The following NKAIN2 variants were observed in gnomAD, a reference collection of about 807,000 sequenced individuals.
NKAIN2 encodes the protein sodium/potassium transporting ATPase interacting 2.
A neutral mutation model predicts 32.6 loss-of-function variants in NKAIN2; 14 were observed. The observed-to-expected ratio is 0.43, with a 90% CI of 0.28 to 0.67. NKAIN2 has a LOEUF of 0.67. NKAIN2 is among the 30% of genes least tolerant of loss of function. NKAIN2 has a pLI of 0.17. For missense variants in NKAIN2, 198 were observed against 258.3 expected (o/e 0.77, Z 1.60); for synonymous variants, 80 against 87.2 (o/e 0.92, Z 0.46).
chr6:124,801,387 T>G (rs1442978699), intron 5 of NKAIN2, among the ~76,000 whole-genome samples: 1 of 152,228 alleles, frequency 6.6e-6, no homozygotes, highest in East Asian at 1.9e-4. Context: ...TCACCTACTG[T>G]AATCCCCCAA....
intron 1 of NKAIN2, among the ~76,000 whole-genome samples, chr6:123,955,902 A>G (rs1777559047): frequency 6.6e-6 from 1 of 152,270 alleles, no homozygotes; most frequent in East Asian, 1.9e-4. Context: ...TGCCGGGATT[A>G]TAGGAGTGAG....
At chr6:124,691,307 A>G (rs1482078625) in intron 4 of NKAIN2, among the ~76,000 whole-genome samples, 2 of 152,120 alleles carry the variant, frequency 1.3e-5, no homozygotes, top group Admixed American at 6.6e-5. Flanking sequence ...GACCACTTCA[A>G]CCTAATTTCC....
intron 3 of NKAIN2, among the ~76,000 whole-genome samples, chr6:124,414,315 G>A (rs1472354228): frequency 6.6e-6 from 1 of 152,062 alleles, no homozygotes; most frequent in Admixed American, 6.5e-5. Context: ...ATAATATCAT[G>A]AATTATATTG....
intron 3 of NKAIN2, among the ~76,000 whole-genome samples, chr6:124,625,954 T>C (rs1454595343): frequency 6.6e-6 from 1 of 151,418 alleles, no homozygotes; most frequent in Non-Finnish European, 1.5e-5. Context: ...AATTTTATTA[T>C]TATTATACTT....
At chr6:124,158,392 A>G (rs1388595606) in intron 1 of NKAIN2, among the ~76,000 whole-genome samples, 2 of 152,140 alleles carry the variant, frequency 1.3e-5, no homozygotes, top group Non-Finnish European at 2.9e-5. Context: ...GAGTTTCCAC[A>G]TGTGGATTTT....
At chr6:124,469,407 A>G (rs1405516376) in intron 3 of NKAIN2, among the ~76,000 whole-genome samples, 1 of 152,180 alleles carries the variant, frequency 6.6e-6, no homozygotes, top group Non-Finnish European at 1.5e-5. Context: ...TAAAATGCAT[A>G]TATTAATGGA....
chr6:124,678,586 CTT>C (rs1032903313), intron 4 of NKAIN2, among the ~76,000 whole-genome samples: 4 of 152,214 alleles, frequency 2.6e-5, no homozygotes, highest in Admixed American at 2.0e-4. Flanking sequence ...TTTTTCATCT[CTT>C]TGTTAATAAT....
intron 3 of NKAIN2, among the ~76,000 whole-genome samples, chr6:124,521,392 G>A (rs577140033): frequency 9.2e-5 from 14 of 152,136 alleles, no homozygotes; most frequent in Non-Finnish European, 1.8e-4. Context: ...CACTAATTGA[G>A]AAGATCATAT....
At chr6:124,201,238 T>TG (rs547153740) in intron 1 of NKAIN2, among the ~76,000 whole-genome samples, 25 of 151,974 alleles carry the variant, frequency 1.6e-4, no homozygotes, top group African/African-American at 3.6e-4. Flanking sequence ...TGGCATGTGG[T>TG]GGGGGGGCGA....
chr6:124,041,446 C>A (rs1464151793), intron 1 of NKAIN2, among the ~76,000 whole-genome samples: 1 of 151,876 alleles, frequency 6.6e-6, no homozygotes, highest in Non-Finnish European at 1.5e-5. Context: ...TAATTTAATG[C>A]TATTGATATT....
At chr6:124,722,414 CA>C (rs1776069175) in intron 4 of NKAIN2, among the ~76,000 whole-genome samples, 1 of 152,160 alleles carries the variant, frequency 6.6e-6, no homozygotes. Context: ...CAACAGGGAC[CA>C]GTTTCGTGGA....
chr6:124,733,390 T>C (rs963119924), intron 4 of NKAIN2, among the ~76,000 whole-genome samples: 6 of 151,888 alleles, frequency 4.0e-5, no homozygotes, highest in African/African-American at 1.4e-4. Flanking sequence ...AACTGTATTA[T>C]AGATGTATGA....
At chr6:124,203,856 A>G (rs1277489696) in intron 1 of NKAIN2, among the ~76,000 whole-genome samples, 1 of 151,712 alleles carries the variant, frequency 6.6e-6, no homozygotes, top group South Asian at 2.1e-4. Context: ...AAATATGCAA[A>G]AAGTAATAAA....
intron 6 of NKAIN2, among the ~76,000 whole-genome samples, chr6:124,822,450 G>A (rs1781431019): frequency 6.6e-6 from 1 of 152,100 alleles, no homozygotes; most frequent in South Asian, 2.1e-4. Context: ...AAAGCAATAG[G>A]CATTTTTAGC....
At chr6:123,856,786 A>T (rs1027402622) in intron 1 of NKAIN2, among the ~76,000 whole-genome samples, 1 of 152,148 alleles carries the variant, frequency 6.6e-6, no homozygotes, top group African/African-American at 2.4e-5. Context: ...CTACTATAAC[A>T]AACCCCCAGG....
intron 3 of NKAIN2, among the ~76,000 whole-genome samples, chr6:124,481,735 T>A (rs2114701248): frequency 6.6e-6 from 1 of 152,272 alleles, no homozygotes; most frequent in South Asian, 2.1e-4. Context: ...CTTTAAGAAA[T>A]TTGTTTAGAT....
At chr6:123,908,459 A>G (rs1775000656) in intron 1 of NKAIN2, among the ~76,000 whole-genome samples, 1 of 152,186 alleles carries the variant, frequency 6.6e-6, no homozygotes, top group South Asian at 2.1e-4. Flanking sequence ...GCTTTTTCAA[A>G]TCGAATAGAT....
At chr6:124,797,169 C>CAAAAAA (rs563319426) in intron 5 of NKAIN2, among the ~76,000 whole-genome samples, 1 of 87,154 alleles carries the variant, frequency 1.1e-5, no homozygotes, top group Non-Finnish European at 2.2e-5. Flanking sequence ...TCCATGTTAG[C>CAAAAAA]AAAAAAAAAA....
intron 2 of NKAIN2, among the ~76,000 whole-genome samples, chr6:124,315,840 ATC>A (rs1562486655): frequency 6.6e-6 from 1 of 152,168 alleles, no homozygotes; most frequent in East Asian, 1.9e-4. Context: ...ATTTGCTTAT[ATC>A]TCTTCTTATT....
Sources: allele counts gnomAD v4.1 joint callset (sites outside exome capture counted in the v4.1 genomes callset), GRCh38; gene constraint gnomAD v4.1.1; transcripts MANE v1.5; gene names NCBI Gene and HGNC (gene_info 2026-07-23, HGNC 2026-07-21).